The following DCDC1 variants were observed in gnomAD, a reference collection of about 807,000 sequenced individuals.
DCDC1 encodes doublecortin domain-containing protein 1.
A neutral mutation model predicts 178.3 loss-of-function variants in DCDC1; 200 were observed. That is an observed-to-expected ratio of 1.12 (90% confidence interval 1.00 to 1.26). The LOEUF (loss-of-function observed/expected upper bound fraction) is 1.26, where lower values mean the gene tolerates loss of function less well. DCDC1 is among the 50% of genes most tolerant of loss of function. The probability of loss-of-function intolerance (pLI) is 0.00; values close to 1 mark genes in which losing one functional copy is unlikely to be tolerated. For missense variants in DCDC1, 1,983 were observed against 1,749.2 expected (o/e 1.13, Z -2.38); for synonymous variants, 690 against 604.8 (o/e 1.14, Z -2.07).
chr11:31,328,181 CA>C lies in DCDC1; in HGVS notation c.99del (p.Glu34LysfsTer9), dbSNP rs1949751213. 6.2e-7 allele frequency: 1 copy of C among 1,612,110 alleles called. No individual in the cohort carries two copies. Among genetic ancestry groups the C allele is most frequent in the African/African-American group, 1.3e-5 (1 of 74,904 alleles). On this transcript the variant is annotated frameshift_variant, in exon 3 of 39. Transcript: ENST00000684477. LOFTEE classifies it high-confidence loss of function. ...ACAGTATTCCCATCCAAAGTGCCTT[CA>C]GGGCTACTTTGCTGTAATACTTCCA... Reference protein sequence around the residue: ...EAMEVLQQSSPEGTLDGNTVN... With the variant: ...EAMEVLQQSSXEGTLDGNTVN...
chr11:31,110,165 T>C, intron 12 of DCDC1, 95 bp downstream of exon 12: 2 of 611,114 alleles, frequency 3.3e-6, no homozygotes, highest in Non-Finnish European at 5.9e-6. Context: ...AAACCATTGA[T>C]CTTCTGCAAA....
chr11:30,923,539 G>T (rs1282892629), intron 23 of DCDC1, among the ~76,000 whole-genome samples: 1 of 150,552 alleles, frequency 6.6e-6, no homozygotes, highest in Non-Finnish European at 1.5e-5. Context: ...TGCCTTTTCT[G>T]ATCATTGCAA....
chr11:31,216,372 T>G (rs1973564448), intron 9 of DCDC1, among the ~76,000 whole-genome samples: 1 of 152,158 alleles, frequency 6.6e-6, no homozygotes, highest in Admixed American at 6.6e-5. Context: ...CTTATAGCAG[T>G]TGAATTCACC....
At chr11:30,875,040 C>A (rs532596062) in intron 38 of DCDC1, among the ~76,000 whole-genome samples, 1 of 152,262 alleles carries the variant, frequency 6.6e-6, no homozygotes, top group East Asian at 1.9e-4. Flanking sequence ...TCATATATTT[C>A]TATTTATACA....
chr11:31,284,017 A>G (rs1591638931), intron 7 of DCDC1, among the ~76,000 whole-genome samples: 1 of 151,404 alleles, frequency 6.6e-6, no homozygotes, highest in East Asian at 2.0e-4. Context: ...AATTGCCTCC[A>G]GGTACAAAGA....
At position 30,909,025 on chromosome 11, in the gene DCDC1, A is replaced by C; in HGVS notation, c.3839T>G (p.Leu1280Trp). The C allele has an allele frequency of 6.2e-7, 1 of 1,612,772 alleles. No individual in the cohort carries two copies. The highest frequency in any genetic ancestry group is 8.5e-7 in the Non-Finnish European group (1 of 1,179,136). ...KALVAFHSTA[L>W]DKEITSANYA... is the part of the protein sequence containing the mutation. ...ATTTGCTGATGTAATTTCCTTATCC[A>C]AGGCAGTGCTATGAAAGGCCACAAG... The change falls in exon 29 of 39, where the codon TTG (leucine) becomes TGG (tryptophan). Residue 1280 changes from leucine to tryptophan, a missense_variant. By Grantham distance (61) the Leu-to-Trp change is moderately conservative (BLOSUM62 -2). Coordinates refer to ENST00000684477, the MANE Select transcript of DCDC1 (RefSeq NM_001387274.1).
chr11:31,059,747 AAGG>A (rs1955810567), intron 20 of DCDC1, among the ~76,000 whole-genome samples: 1 of 152,048 alleles, frequency 6.6e-6, no homozygotes, highest in South Asian at 2.1e-4. Flanking sequence ...TACTCAGCAG[AAGG>A]AGGAGAAAGT....
chr11:31,252,895 G>A (rs1944147854), intron 8 of DCDC1, among the ~76,000 whole-genome samples: 1 of 151,962 alleles, frequency 6.6e-6, no homozygotes, highest in African/African-American at 2.4e-5. Context: ...CAATTTAGAG[G>A]AGATTCATGA....
chr11:31,358,209 A>C (rs1184991243), intron 1 of DCDC1, among the ~76,000 whole-genome samples: 2 of 152,104 alleles, frequency 1.3e-5, no homozygotes, highest in African/African-American at 4.8e-5. Flanking sequence ...TACAGTAACC[A>C]AAACAGCATG....
At chr11:31,044,033 A>G (rs993036064) in intron 20 of DCDC1, among the ~76,000 whole-genome samples, 4 of 151,882 alleles carry the variant, frequency 2.6e-5, no homozygotes, top group African/African-American at 9.7e-5. Context: ...TGAATACGAG[A>G]TATCACTCCC....
chr11:31,361,370 T>C (rs570613698), intron 1 of DCDC1, among the ~76,000 whole-genome samples: 1 of 152,270 alleles, frequency 6.6e-6, no homozygotes, highest in Admixed American at 6.5e-5. Flanking sequence ...CACAGCCTCA[T>C]TAGCACAAAG....
intron 5 of DCDC1, 77 bp from the exon 6 acceptor site, chr11:31,305,854 T>C (rs1355799689): frequency 1.3e-6 from 2 of 1,505,834 alleles, no homozygotes; most frequent in Admixed American, 2.1e-5. Flanking sequence ...CAAAAGGTTC[T>C]AATGATCAAA....
At chr11:31,010,321 C>T (rs1952096861) in intron 20 of DCDC1, among the ~76,000 whole-genome samples, 1 of 152,206 alleles carries the variant, frequency 6.6e-6, no homozygotes, top group Admixed American at 6.5e-5. Context: ...AATTCACTTC[C>T]AAGCTCCCTC....
At chr11:30,922,663 CT>C in intron 23 of DCDC1, 25 bp from the exon 24 acceptor site, 2 of 1,490,374 alleles carry the variant, frequency 1.3e-6, no homozygotes, top group Middle Eastern at 3.4e-4. Flanking sequence ...ATCTCTTATC[CT>C]GTATATAATT....
intron 12 of DCDC1, among the ~76,000 whole-genome samples, chr11:31,107,214 G>T (rs987918692): frequency 1.3e-5 from 2 of 152,126 alleles, no homozygotes; most frequent in African/African-American, 4.8e-5. Flanking sequence ...TTTGGCACGG[G>T]GACTGAAAGC....
intron 18 of DCDC1, among the ~76,000 whole-genome samples, chr11:31,075,241 C>T (rs949521527): frequency 1.4e-4 from 22 of 152,140 alleles, no homozygotes; most frequent in Admixed American, 4.6e-4. Flanking sequence ...TTTTTAACAG[C>T]TGAATAATAT....
intron 13 of DCDC1, among the ~76,000 whole-genome samples, chr11:31,105,326 G>A (rs992436938): frequency 9.2e-5 from 14 of 151,464 alleles, no homozygotes; most frequent in African/African-American, 2.2e-4. Flanking sequence ...CAGTTATTCC[G>A]CAAATATGAT....
chr11:31,315,641 C>A lies in DCDC1; in HGVS notation c.165-7733G>T, dbSNP rs551775139. On this transcript the variant is annotated intron_variant, in intron 3 of 38. Transcript: ENST00000684477. ...GTGAGCCACCATGCCCGGCCATCTG[C>A]ATACCTTTTTTTTTTTTTTTTTTTT... 1.1e-3 allele frequency among the ~76,000 whole-genome samples: 146 copies of A among 136,510 alleles called. 1 individual carries two copies. The highest frequency in any genetic ancestry group is 3.9e-3 in the African/African-American group (134 of 34,354). 89.6% of individuals were successfully genotyped at this position (136,510 alleles called of 152,430 possible).
At chr11:31,226,825 C>T (rs187292779) in intron 9 of DCDC1, among the ~76,000 whole-genome samples, 53 of 151,800 alleles carry the variant, frequency 3.5e-4, no homozygotes, top group African/African-American at 1.3e-3. Flanking sequence ...TATCAAAACC[C>T]ATAAGTATGT....
Sources: allele counts gnomAD v4.1 joint callset (sites outside exome capture counted in the v4.1 genomes callset), GRCh38; gene constraint gnomAD v4.1.1; transcripts MANE v1.5; gene names NCBI Gene and HGNC (gene_info 2026-07-23, HGNC 2026-07-21).